MGAT4A: variants seen among roughly 807,000 people sequenced by gnomAD.
The protein encoded by MGAT4A is N-acetylglucosaminyltransferase IVa.
In MGAT4A, 33 loss-of-function variants were observed where a neutral mutation model predicts 74.1. The ratio of observed to expected loss-of-function variants is 0.45; its 90% CI spans 0.34 to 0.60. The LOEUF (loss-of-function observed/expected upper bound fraction) is 0.60. Ranked by LOEUF, MGAT4A falls within the 20% of genes least tolerant of loss-of-function variation. The pLI, the probability that MGAT4A is intolerant of heterozygous loss-of-function variation, is 0.02. For synonymous variants in MGAT4A, 198 were observed against 210.4 expected (o/e 0.94, Z 0.51); for missense variants, 479 against 628.3 (o/e 0.76, Z 2.54).
At chr2:98,641,499 CAAAAA>C (rs1205460540) in intron 10 of MGAT4A, among the ~76,000 whole-genome samples, 20 of 75,280 alleles carry the variant, frequency 2.7e-4, no homozygotes, top group African/African-American at 1.0e-3. Context: ...ACTAAAAATA[CAAAAA>C]AAAAAAAAAA....
Position 98,623,145 on chromosome 2 carries a change from G to C in MGAT4A, c.*2421C>G, listed in dbSNP as rs1243241248. 1 of 985,322 alleles carries C rather than the reference G, an allele frequency of 1.0e-6. No individual in the cohort carries two copies. The highest frequency in any genetic ancestry group is 6.1e-5 in the Admixed American group (1 of 16,264). The allele number at this position is 985,322 out of a possible 1,614,324, so 61.0% of individuals were successfully genotyped here. A position where few individuals can be genotyped will look rare whatever the true frequency, so the allele number is the denominator to read the frequency against. Reference sequence around the variant, plus strand: ...ACCCTAGGCACGGGTAGATTCATGGGGAGAGAAGCACAAAAAAGTCCTGGA... The same window carrying C: ...ACCCTAGGCACGGGTAGATTCATGGCGAGAGAAGCACAAAAAAGTCCTGGA... On this transcript the variant is annotated 3_prime_UTR_variant, in exon 16 of 16. Transcript: ENST00000393487.
Position 98,678,389 on chromosome 2 carries a change from A to G in MGAT4A, c.177T>C (p.Ser59=). The G allele has an allele frequency of 2.5e-6, 4 of 1,593,484 alleles. No homozygotes were observed. The highest frequency in any genetic ancestry group is 2.6e-6 in the Non-Finnish European group (3 of 1,166,220). The change falls in exon 3 of 16, where the codon TCT becomes TCC. Residue 59 remains serine (S), a synonymous_variant. Coordinates refer to ENST00000393487, the MANE Select transcript of MGAT4A (RefSeq NM_012214.3). The part of the protein sequence containing the change: ...RIAEHRISQR[S]SELNTIVQQF... ...GTTGCACAATCGTATTTAATTCAGA[A>G]GAGCGCTGTGAGATTCTGTGTTCAG...
intron 14 of MGAT4A, among the ~76,000 whole-genome samples, chr2:98,632,788 A>G (rs1701260501): frequency 6.6e-6 from 1 of 152,156 alleles, no homozygotes; most frequent in Non-Finnish European, 1.5e-5. Flanking sequence ...TGTTTGAGAC[A>G]GAGTGGCCCA....
intron 10 of MGAT4A, among the ~76,000 whole-genome samples, chr2:98,642,408 T>C (rs887210757): frequency 5.3e-5 from 8 of 152,140 alleles, no homozygotes; most frequent in African/African-American, 1.9e-4. Context: ...ACCCTCGAGA[T>C]TCTAGGGGAA....
chr2:98,661,085 A>C (rs1701742373), intron 5 of MGAT4A, among the ~76,000 whole-genome samples: 1 of 152,222 alleles, frequency 6.6e-6, no homozygotes. Context: ...AAAAACACTG[A>C]AAAAATAGGC....
At position 98,640,233 on chromosome 2, in the gene MGAT4A, A is replaced by G. The variant is rs1553536009; in HGVS notation, c.1021-5T>C. ...TTTCTGTCTATCACAATGTTTCTAA[A>G]TATTAAAAAAAATCACGTTAGTGTT... On this transcript the variant is annotated splice_region_variant and splice_polypyrimidine_tract_variant and intron_variant, in intron 10 of 15. Transcript: ENST00000393487. The G allele has an allele frequency of 1.1e-5, 17 of 1,602,484 alleles. No homozygotes were observed. The South Asian group carries it at 1.7e-4, about 16-fold the overall frequency.
At chr2:98,670,483 T>C (rs1701897484) in intron 4 of MGAT4A, among the ~76,000 whole-genome samples, 1 of 152,252 alleles carries the variant, frequency 6.6e-6, no homozygotes, top group Admixed American at 6.5e-5. Context: ...TTTCAAATTC[T>C]AGTTCGTATT....
At chr2:98,666,445 C>A (rs536379527) in intron 4 of MGAT4A, among the ~76,000 whole-genome samples, 1 of 152,300 alleles carries the variant, frequency 6.6e-6, no homozygotes, top group East Asian at 1.9e-4. Context: ...TTAATCCCAG[C>A]ACTTCAGGAG....
At chr2:98,698,621 T>C (rs1342874544) in intron 2 of MGAT4A, among the ~76,000 whole-genome samples, 1 of 152,142 alleles carries the variant, frequency 6.6e-6, no homozygotes, top group Non-Finnish European at 1.5e-5. Flanking sequence ...CATTTCTAAA[T>C]GGAAACCCTT....
intron 3 of MGAT4A, 57 bp downstream of exon 3, chr2:98,678,247 A>T (rs28544347): frequency 0.011 from 3,644 of 344,804 alleles, 57 homozygotes; most frequent in East Asian, 0.06. Flanking sequence ...AAAAAAAAAA[A>T]AAATATATAT....
intron 2 of MGAT4A, among the ~76,000 whole-genome samples, chr2:98,706,239 T>C (rs1702429664): frequency 6.6e-6 from 1 of 152,214 alleles, no homozygotes; most frequent in Admixed American, 6.5e-5. Context: ...TGGATGAATT[T>C]GGACCAGAAT....
At chr2:98,705,909 T>C (rs1197953489) in intron 2 of MGAT4A, among the ~76,000 whole-genome samples, 1 of 131,460 alleles carries the variant, frequency 7.6e-6, no homozygotes, top group Non-Finnish European at 1.5e-5. Context: ...GCCACTGCAG[T>C]CCGCAGTCCG....
chr2:98,692,586 T>C (rs1456072573), intron 2 of MGAT4A, among the ~76,000 whole-genome samples: 2 of 152,250 alleles, frequency 1.3e-5, no homozygotes, highest in South Asian at 2.1e-4. Context: ...GCTCCATTCA[T>C]GGTAAGTGCT....
chr2:98,652,162 G>A (rs1422209996), intron 8 of MGAT4A, among the ~76,000 whole-genome samples: 3 of 152,118 alleles, frequency 2.0e-5, no homozygotes, highest in Non-Finnish European at 4.4e-5. Flanking sequence ...AGATCAGACA[G>A]AAGATCAATA....
chr2:98,705,055 C>T (rs1345414710), intron 2 of MGAT4A, among the ~76,000 whole-genome samples: 1 of 152,112 alleles, frequency 6.6e-6, no homozygotes, highest in Non-Finnish European at 1.5e-5. Context: ...ATAAGGAAAC[C>T]CAAGTTACTT....
chr2:98,648,422 C>A (rs752174903), intron 8 of MGAT4A, among the ~76,000 whole-genome samples: 1 of 152,112 alleles, frequency 6.6e-6, no homozygotes, highest in Non-Finnish European at 1.5e-5. Context: ...ATCACTTGAA[C>A]CCGGGAGGCA....
intron 2 of MGAT4A, among the ~76,000 whole-genome samples, chr2:98,710,883 G>A (rs140371920): frequency 6.6e-6 from 1 of 151,962 alleles, no homozygotes; most frequent in East Asian, 1.9e-4. Flanking sequence ...ATGAAGGAAG[G>A]AAAAAGGAAG....
At chr2:98,694,179 G>A (rs915988265) in intron 2 of MGAT4A, 1 of 153,172 alleles carries the variant, frequency 6.5e-6, no homozygotes, top group Non-Finnish European at 1.5e-5. Context: ...ATGACCAAGT[G>A]GGGCACCCAG....
intron 8 of MGAT4A, among the ~76,000 whole-genome samples, chr2:98,647,269 G>C (rs774878995): frequency 6.6e-6 from 1 of 152,150 alleles, no homozygotes; most frequent in African/African-American, 2.4e-5. Context: ...ATTACTCTCA[G>C]CCTCGCTGGA....
Sources: gnomAD v4.1 joint callset for allele counts (sites outside exome capture counted in the v4.1 genomes callset) on GRCh38, gnomAD v4.1.1 for gene constraint, MANE v1.5 for transcripts, NCBI Gene and HGNC (gene_info 2026-07-23, HGNC 2026-07-21) for gene names.